CUTA: variants seen among roughly 807,000 people sequenced by gnomAD.
CUTA encodes the protein cutA divalent cation tolerance homolog.
Under a neutral mutation model 20.7 loss-of-function variants are expected in CUTA, and 21 were observed. The observed-to-expected ratio is 1.01, with a 90% CI of 0.72 to 1.46. CUTA has a LOEUF of 1.46. Ranked by LOEUF, CUTA falls within the 40% of genes most tolerant of loss-of-function variation. CUTA has a pLI of 0.00. For synonymous variants in CUTA, 99 were observed against 97.9 expected (o/e 1.01, Z -0.07); for missense variants, 231 against 226.8 (o/e 1.02, Z -0.12).
At position 33,416,667 on chromosome 6, in the gene CUTA, T is replaced by C. The variant is rs371083164; in HGVS notation, c.523A>G (p.Ile175Val). The change falls in exon 6 of 6, where the codon ATC becomes GTC. Residue 175 changes from isoleucine (I) to valine (V), a missense_variant. Transcript: ENST00000488034. ...RQVTESVSDSITVLP is the reference protein window; with the variant it reads ...RQVTESVSDSVTVLP ...AGGGCTCATCATGGCAGGACTGTGA[T>C]AGAGTCAGAAACTGACTCTGTGACC... 6.9e-6 allele frequency: 11 copies of C among 1,582,774 alleles called. No homozygotes were observed. The African/African-American group carries it at 8.1e-5, about 12-fold the overall frequency.
Position 33,417,248 on chromosome 6 carries a change from C to A in CUTA, c.317+3G>T. ...GGTTAACCCCCCAACTCCTATGACTCACATGGATGTAATCTGAGGGATGAG... is the reference window on the plus strand; with the variant it reads ...GGTTAACCCCCCAACTCCTATGACTAACATGGATGTAATCTGAGGGATGAG... On this transcript the variant is annotated splice_donor_region_variant and intron_variant, in intron 3 of 5. Coordinates refer to ENST00000488034, the MANE Select transcript of CUTA (RefSeq NM_001014840.2). 1.2e-6 allele frequency: 2 copies of A among 1,614,174 alleles called. No homozygotes were observed. The highest frequency in any genetic ancestry group is 1.7e-6 in the Non-Finnish European group (2 of 1,180,032).
At position 33,417,988 on chromosome 6, in the gene CUTA, GC is replaced by G; in HGVS notation, c.12del (p.Arg5GlyfsTer38). On this transcript the variant is annotated frameshift_variant, in exon 1 of 6. Coordinates refer to ENST00000488034, the MANE Select transcript of CUTA (RefSeq NM_001014840.2). LOFTEE classifies it high-confidence loss of function. MSG[G>X]RAPAVLLGGV... ...CCGCCGAGCAGGACCGCGGGAGCCC[GC>G]CCCCCACTCATGCGGCCTACGCTGG... The G allele has an allele frequency of 1.2e-6, 2 of 1,611,848 alleles. No homozygotes were observed. The highest frequency in any genetic ancestry group is 1.1e-5 in the South Asian group (1 of 90,942).
chr6:33,417,967 C>G lies in CUTA; in HGVS notation c.34G>C (p.Gly12Arg), dbSNP rs1353793675. 2 of 1,601,024 alleles carry G rather than the reference C, an allele frequency of 1.2e-6. No individual in the cohort carries two copies. Among genetic ancestry groups the G allele is most frequent in the African/African-American group, 1.3e-5 (1 of 74,738 alleles). ...CGGGGCCGGTCACTCACCACTCCGC[C>G]GAGCAGGACCGCGGGAGCCCGCCCC... ...SGGRAPAVLL[G>R]GVASLLLSFV... is the part of the protein sequence containing the mutation. Residue 12 changes from glycine to arginine, a missense_variant, in exon 1 of 6, where the codon GGC becomes CGC. Gly to Arg is a moderately radical substitution (Grantham distance 125, BLOSUM62 -2). Transcript: ENST00000488034.
Position 33,416,584 on chromosome 6 carries a change from T to C in CUTA, c.*66A>G. The C allele has an allele frequency of 2.1e-6, 2 of 959,824 alleles. No homozygotes were observed. The highest frequency in any genetic ancestry group is 3.4e-6 in the Non-Finnish European group (2 of 588,108). The allele number at this position is 959,824 out of a possible 1,614,324, so 59.5% of individuals were successfully genotyped here. ...ACGGGATTTATTGGGGGCCCAGTCA[T>C]CACCTGGAAGTCAGAAGGCGTTGAA... is the stretch of plus-strand genomic sequence containing the variant. On this transcript the variant is annotated 3_prime_UTR_variant, in exon 6 of 6. Coordinates refer to ENST00000488034, the MANE Select transcript of CUTA (RefSeq NM_001014840.2).
chr6:33,417,809 G>T, intron 1 of CUTA, 114 bp from the exon 2 acceptor site: 1 of 1,543,624 alleles, frequency 6.5e-7, no homozygotes, highest in Non-Finnish European at 8.7e-7. Flanking sequence ...CACCCCCGAA[G>T]AATGCCCCTG....
rs747944386 is a variant in CUTA at position 33,417,330 on chromosome 6, CCATT to C, written c.258-24_258-21del. 3.1e-6 allele frequency: 5 copies of C among 1,613,968 alleles called. No individual in the cohort carries two copies. Among genetic ancestry groups the C allele is most frequent in the African/African-American group, 1.3e-5 (1 of 74,886 alleles). ...ACGGCCCTGGAGTGAAGAGACAGTCCCATTCAGAGTACCCCATAACCCCAGTTTT... is the reference window on the plus strand; with the variant it reads ...ACGGCCCTGGAGTGAAGAGACAGTCCCAGAGTACCCCATAACCCCAGTTTT... On this transcript the variant is annotated intron_variant, in intron 2 of 5. Transcript: ENST00000488034.
chr6:33,417,831 G>A, intron 1 of CUTA, 128 bp downstream of exon 1: 1 of 1,544,172 alleles, frequency 6.5e-7, no homozygotes, highest in African/African-American at 1.4e-5. Context: ...AGGTGAGAGA[G>A]AAACTTGGAA....
chr6:33,417,035 G>A lies in CUTA; in HGVS notation c.363+62C>T, dbSNP rs1188195235. The A allele has an allele frequency of 5.0e-6, 8 of 1,612,632 alleles. No homozygotes were observed. The Admixed American group carries it at 6.7e-5, about 13-fold the overall frequency. On this transcript the variant is annotated intron_variant, in intron 4 of 5. Coordinates refer to ENST00000488034, the MANE Select transcript of CUTA (RefSeq NM_001014840.2). ...ATTGAGTTCAGTTTCTCAGAAGAGGGGTAAGGGCTAAAGGGGTCAGGGATT... is the reference window on the plus strand; with the variant it reads ...ATTGAGTTCAGTTTCTCAGAAGAGGAGTAAGGGCTAAAGGGGTCAGGGATT...
chr6:33,416,544 C>A lies in CUTA; in HGVS notation c.*106G>T. ...TACATGACAAAAAACAGGCAAAAGG[C>A]AGAGAGACCCAAAGACGGGATTTAT... On this transcript the variant is annotated 3_prime_UTR_variant, in exon 6 of 6. Coordinates refer to ENST00000488034, the MANE Select transcript of CUTA (RefSeq NM_001014840.2). 1 of 756,428 alleles carries A rather than the reference C, an allele frequency of 1.3e-6. No individual in the cohort carries two copies. Among genetic ancestry groups the A allele is most frequent in the South Asian group, 1.5e-5 (1 of 66,642 alleles). 46.9% of individuals were successfully genotyped at this position (756,428 alleles called of 1,614,324 possible).
At position 33,416,525 on chromosome 6, in the gene CUTA, A is replaced by T. The variant is rs902607531; in HGVS notation, c.*125T>A. 1 of 705,386 alleles carries T rather than the reference A, an allele frequency of 1.4e-6. No homozygotes were observed. The highest frequency in any genetic ancestry group is 2.6e-6 in the Non-Finnish European group (1 of 386,086). 43.7% of individuals were successfully genotyped at this position (705,386 alleles called of 1,614,324 possible). Reference sequence around the variant, plus strand: ...TTCTCCCAACAAATTTGCATACATGACAAAAAACAGGCAAAAGGCAGAGAG... The same window carrying T: ...TTCTCCCAACAAATTTGCATACATGTCAAAAAACAGGCAAAAGGCAGAGAG... On this transcript the variant is annotated 3_prime_UTR_variant, in exon 6 of 6. Coordinates refer to ENST00000488034, the MANE Select transcript of CUTA (RefSeq NM_001014840.2).
At position 33,417,234 on chromosome 6, in the gene CUTA, C is replaced by T. The variant is rs766858212; in HGVS notation, c.317+17G>A. On this transcript the variant is annotated intron_variant, in intron 3 of 5. Transcript: ENST00000488034. ...AGCTCCTACAGTTAGGTTAACCCCC[C>T]AACTCCTATGACTCACATGGATGTA... 1 of 1,614,162 alleles carries T rather than the reference C, an allele frequency of 6.2e-7. No homozygotes were observed. The highest frequency in any genetic ancestry group is 1.1e-5 in the South Asian group (1 of 91,084).
At chr6:33,416,845 C>A in intron 5 of CUTA, 69 bp from the exon 6 acceptor site, 1 of 1,606,260 alleles carries the variant, frequency 6.2e-7, no homozygotes, top group Non-Finnish European at 8.5e-7. Flanking sequence ...CTCCCTTACA[C>A]GCAAGCCCTA....
chr6:33,417,228 AC>A (rs753779094), intron 3 of CUTA, 22 bp downstream of exon 3: 1 of 1,613,922 alleles, frequency 6.2e-7, no homozygotes, highest in Middle Eastern at 1.6e-4. Context: ...AGTTAGGTTA[AC>A]CCCCCAACTC....
intron 5 of CUTA, 30 bp downstream of exon 5, chr6:33,416,890 C>A (rs769279641): frequency 3.1e-6 from 5 of 1,613,642 alleles, no homozygotes; most frequent in Admixed American, 3.3e-5. Flanking sequence ...ACAGTACACA[C>A]CCTCACCCCA....
Position 33,417,979 on chromosome 6 carries a change from C to T in CUTA, c.22G>A (p.Ala8Thr), listed in dbSNP as rs899352649. Residue 8 changes from alanine (A) to threonine (T), a missense_variant, in exon 1 of 6, where the codon GCG (alanine) becomes ACG (threonine). Physicochemically the swap from Ala to Thr is moderately conservative, Grantham distance 58. Coordinates refer to ENST00000488034, the MANE Select transcript of CUTA (RefSeq NM_001014840.2). MSGGRAP[A>T]VLLGGVASLL... ...CTCACCACTCCGCCGAGCAGGACCG[C>T]GGGAGCCCGCCCCCCACTCATGCGG... is the stretch of plus-strand genomic sequence containing the variant. 5 of 1,608,820 alleles carry T rather than the reference C, an allele frequency of 3.1e-6. No homozygotes were observed. The highest frequency in any genetic ancestry group is 1.7e-4 in the Middle Eastern group (1 of 6,060).
Position 33,416,917 on chromosome 6 carries a change from C to T in CUTA, c.413+3G>A. On this transcript the variant is annotated splice_donor_region_variant and intron_variant, in intron 5 of 5. Transcript: ENST00000488034. The stretch of plus-strand genomic sequence containing the variant: ...CTCACCCCATCCATCTCAAAGTTCT[C>T]ACCGAACAAAATCTGTCAAAGCTGG... The T allele has an allele frequency of 6.2e-7, 1 of 1,614,170 alleles. No homozygotes were observed.
In CUTA at chr6:33,416,978, C is replaced by G. The variant is rs200839229; in HGVS notation, c.364-9G>C. 2 of 1,613,386 alleles carry G rather than the reference C, an allele frequency of 1.2e-6. No homozygotes were observed. Among genetic ancestry groups the G allele is most frequent in the Non-Finnish European group, 8.5e-7 (1 of 1,179,928 alleles). On this transcript the variant is annotated splice_polypyrimidine_tract_variant and intron_variant, in intron 4 of 5. Coordinates refer to ENST00000488034, the MANE Select transcript of CUTA (RefSeq NM_001014840.2). ...CTTTGGGTTTTAATCATCTAAGGGA[C>G]AAAGATAAACATGGTTGAATCAAGG...
At position 33,416,944 on chromosome 6, in the gene CUTA, A is replaced by T. The variant is rs765410362; in HGVS notation, c.389T>A (p.Val130Asp). ...LMMIKTQSSL[V>D]PALTDFVRSV... The stretch of plus-strand genomic sequence containing the variant: ...CCGAACAAAATCTGTCAAAGCTGGG[A>T]CCAAGGAACTTTGGGTTTTAATCAT... The change falls in exon 5 of 6, where the codon GTC (valine) becomes GAC (aspartate). Residue 130 changes from valine (V) to aspartate (D), a missense_variant. Val to Asp is a radical substitution (Grantham distance 152). Coordinates refer to ENST00000488034, the MANE Select transcript of CUTA (RefSeq NM_001014840.2). 3.1e-6 allele frequency: 5 copies of T among 1,614,214 alleles called. No homozygotes were observed. Among genetic ancestry groups the T allele is most frequent in the Non-Finnish European group, 4.2e-6 (5 of 1,180,034 alleles).
chr6:33,417,122 A>G lies in CUTA; in HGVS notation c.338T>C (p.Ile113Thr), dbSNP rs753341709. Residue 113 changes from isoleucine to threonine, a missense_variant, in exon 4 of 6, where the codon ATC becomes ACC. Coordinates refer to ENST00000488034, the MANE Select transcript of CUTA (RefSeq NM_001014840.2). ...CATCAGCACCTCACTGTCTTCCTCG[A>G]TCTTCCCTTTCCACTCATAGCTGAA... is the stretch of plus-strand genomic sequence containing the variant. ...ITSIYEWKGK[I>T]EEDSEVLMMI... The G allele has an allele frequency of 6.2e-7, 1 of 1,611,584 alleles. No homozygotes were observed. The highest frequency in any genetic ancestry group is 2.2e-5 in the East Asian group (1 of 44,826).
Sources: gnomAD v4.1 joint callset for allele counts on GRCh38, gnomAD v4.1.1 for gene constraint, MANE v1.5 for transcripts, NCBI Gene and HGNC (gene_info 2026-07-23, HGNC 2026-07-21) for gene names.